The following RNF213 variants were observed in gnomAD, a reference collection of about 807,000 sequenced individuals.
RNF213 encodes ring finger protein 213.
RNF213 carries 341 observed loss-of-function variants against 514.4 expected under a neutral mutation model. The observed-to-expected ratio is 0.66, with a 90% CI of 0.61 to 0.73. The LOEUF (loss-of-function observed/expected upper bound fraction) is 0.73, where lower values mean the gene tolerates loss of function less well. Among genes scored for constraint, RNF213 ranks in the 30% least tolerant of loss-of-function variants. The pLI, the probability that RNF213 is intolerant of heterozygous loss-of-function variation, is 0.00. For synonymous variants in RNF213, 2,655 were observed against 2,658.2 expected (o/e 1.00, Z 0.04); for missense variants, 5,767 against 6,615.6 (o/e 0.87, Z 4.45).
intron 11 of RNF213, among the ~76,000 whole-genome samples, chr17:80,303,864 G>A (rs2045267801): frequency 1.3e-5 from 2 of 151,038 alleles, no homozygotes; most frequent in Admixed American, 6.6e-5. Context: ...GCCACCCACT[G>A]TGCCTGGCCA....
At chr17:80,270,170 C>G (rs1014143432) in intron 2 of RNF213, among the ~76,000 whole-genome samples, 2 of 152,248 alleles carry the variant, frequency 1.3e-5, no homozygotes, top group Admixed American at 6.5e-5. Flanking sequence ...TTGCTACTTT[C>G]ATGTACAGTG....
At chr17:80,369,474 A>C (rs768294637) in intron 44 of RNF213, 28 bp from the exon 45 acceptor site, 1 of 1,608,646 alleles carries the variant, frequency 6.2e-7, no homozygotes, top group Non-Finnish European at 8.5e-7. Flanking sequence ...AACACCATCC[A>C]CCTGTCTTCT....
chr17:80,364,398 C>T (rs201747319), intron 41 of RNF213, 35 bp from the exon 42 acceptor site: 33 of 1,613,430 alleles, frequency 2.0e-5, no homozygotes, highest in African/African-American at 5.3e-5. Flanking sequence ...TGGTGGGAGC[C>T]GAGTGAGTGA....
chr17:80,346,894 C>A lies in RNF213; in HGVS notation c.8559C>A (p.Pro2853=), dbSNP rs1237408713. 6.2e-7 allele frequency: 1 copy of A among 1,613,906 alleles called. No homozygotes were observed. Among genetic ancestry groups the A allele is most frequent in the Admixed American group, 1.7e-5 (1 of 60,002 alleles). ...LDEVGLAEDS[P]KMPLKTLHPL... is the part of the protein sequence containing the mutation. Reference sequence around the variant, plus strand: ...AGGTGGGGCTGGCGGAAGACTCACCCAAAATGCCCCTGAAGACTCTGCACC... The same window carrying A: ...AGGTGGGGCTGGCGGAAGACTCACCAAAAATGCCCCTGAAGACTCTGCACC... Residue 2853 remains proline, a synonymous_variant, in exon 29 of 68, where the codon CCC becomes CCA. Transcript: ENST00000582970. This position sits in a 1 kb window ranked among gnomAD's most constrained non-coding sequence, Gnocchi z 8.1.
rs1182372202 is a variant in RNF213 at position 80,345,008 on chromosome 17, C to G, written c.6673C>G (p.Gln2225Glu). 6.2e-7 allele frequency: 1 copy of G among 1,614,014 alleles called. No homozygotes were observed. Among genetic ancestry groups the G allele is most frequent in the Non-Finnish European group, 8.5e-7 (1 of 1,180,026 alleles). ...LRNFARFLNY[Q>E]LRDCEASLFC... Reference sequence around the variant, plus strand: ...GAACTTTGCTCGGTTCCTGAATTATCAGCTCAGAGATTGTGAGGCCTCTCT... The same window carrying G: ...GAACTTTGCTCGGTTCCTGAATTATGAGCTCAGAGATTGTGAGGCCTCTCT... Residue 2225 changes from glutamine (Q) to glutamate (E), a missense_variant, in exon 29 of 68, where the codon CAG becomes GAG. This residue lies in a region of RNF213 where 1,377 missense variants were observed against 1,635.2 expected (regional missense o/e 0.84). Coordinates refer to ENST00000582970, the MANE Select transcript of RNF213 (RefSeq NM_001256071.3). The surrounding 1 kb of genome is among the most constrained non-coding windows in gnomAD (Gnocchi z 6.0).
At chr17:80,352,631 C>T (rs763773828) in intron 32 of RNF213, 2 of 597,642 alleles carry the variant, frequency 3.3e-6, no homozygotes, top group African/African-American at 1.9e-5. Context: ...AACTGTGATA[C>T]AGCAAATACA....
At position 80,288,537 on chromosome 17, in the gene RNF213, C is replaced by T. The variant is rs903724881; in HGVS notation, c.811-96C>T. The T allele has an allele frequency of 1.9e-6, 3 of 1,611,094 alleles. No individual in the cohort carries two copies. The South Asian group carries it at 3.3e-5, about 18-fold the overall frequency. ...CACTGGGGATGCCAGCCCACCCTGT[C>T]CCTCGGCTTGTGGCAGATGCTGCCC... is the stretch of plus-strand genomic sequence containing the variant. On this transcript the variant is annotated intron_variant, in intron 4 of 67. Transcript: ENST00000582970. This position sits in a 1 kb window ranked among gnomAD's most constrained non-coding sequence, Gnocchi z 4.9.
intron 2 of RNF213, among the ~76,000 whole-genome samples, chr17:80,268,605 G>A (rs1314946284): frequency 6.7e-6 from 1 of 149,670 alleles, no homozygotes; most frequent in Admixed American, 6.6e-5. Context: ...TCATCCATCT[G>A]TTTGTCCATC....
chr17:80,285,062 C>T (rs1370935010), intron 3 of RNF213, among the ~76,000 whole-genome samples: 2 of 152,218 alleles, frequency 1.3e-5, no homozygotes, highest in African/African-American at 4.8e-5. Flanking sequence ...GGCCATCCAG[C>T]GCTGTCACCA....
rs368462132 is a variant in RNF213, at chr17:80,291,658, A to G, written c.1302A>G (p.Glu434=). 326 of 1,614,106 alleles carry G rather than the reference A, an allele frequency of 2.0e-4. No homozygotes were observed. Among genetic ancestry groups the G allele is most frequent in the Non-Finnish European group, 2.7e-4 (321 of 1,180,058 alleles). ...TGGGTCATGACCGCGTTCTTGTTGAAGGCATTGTCTGCATTTCCAAGAAGC... is the reference window on the plus strand; with the variant it reads ...TGGGTCATGACCGCGTTCTTGTTGAGGGCATTGTCTGCATTTCCAAGAAGC... ...RDLGHDRVLV[E]GIVCISKKHL... Residue 434 remains glutamate (E), a synonymous_variant, in exon 8 of 68, where the codon GAA becomes GAG. Transcript: ENST00000582970.
chr17:80,283,175 G>T (rs2044356713), intron 3 of RNF213, among the ~76,000 whole-genome samples: 2 of 152,166 alleles, frequency 1.3e-5, no homozygotes, highest in South Asian at 4.1e-4. Context: ...CAATGGAAAA[G>T]CAGACAGCAG....
At chr17:80,307,412 G>A (rs567383407) in intron 13 of RNF213, among the ~76,000 whole-genome samples, 36 of 142,184 alleles carry the variant, frequency 2.5e-4, no homozygotes, top group African/African-American at 9.3e-4. Flanking sequence ...TGCCCAGGCT[G>A]GAGTGCAGTG....
chr17:80,369,926 CGTTT>C, intron 46 of RNF213, 59 bp downstream of exon 46: 1 of 1,178,800 alleles, frequency 8.5e-7, no homozygotes, highest in Non-Finnish European at 1.3e-6. Context: ...TTCATCGCAG[CGTTT>C]TGTTACCAAG....
In RNF213 at chr17:80,383,645, C is replaced by G. The variant is rs371481300; in HGVS notation, c.14071-32C>G. The stretch of plus-strand genomic sequence containing the variant: ...ATCTGTTTGTAGCAATACCTCACTT[C>G]CAGAATTTTTTTTTTCATTTTCTCC... On this transcript the variant is annotated intron_variant, in intron 58 of 67. Coordinates refer to ENST00000582970, the MANE Select transcript of RNF213 (RefSeq NM_001256071.3). 2.5e-4 allele frequency: 404 copies of G among 1,612,996 alleles called. 3 individuals carry two copies. Among genetic ancestry groups the G allele is most frequent in the Middle Eastern group, 8.2e-4 (5 of 6,062 alleles).
chr17:80,371,208 C>T (rs1054351943), intron 46 of RNF213, among the ~76,000 whole-genome samples: 2 of 152,242 alleles, frequency 1.3e-5, no homozygotes, highest in African/African-American at 4.8e-5. Context: ...GATACAGTTT[C>T]AGGCTCCACA....
rs998212454 is a variant in RNF213 at position 80,319,981 on chromosome 17, C to T, written c.3024+669C>T. 4 of 1,032,566 alleles carry T rather than the reference C, an allele frequency of 3.9e-6. No homozygotes were observed. In the African/African-American group the frequency reaches 5.1e-5, roughly 13 times the overall value. 64.0% of individuals were successfully genotyped at this position (1,032,566 alleles called of 1,614,324 possible). A position where few individuals can be genotyped will look rare whatever the true frequency, so the allele number is the denominator to read the frequency against. On this transcript the variant is annotated intron_variant, in intron 17 of 67. Transcript: ENST00000582970. ...TTCTAATTTTTTAAGTGACTGATAC[C>T]TTTGATAAGGTTTTCCTTTCCCTTT...
At position 80,313,153 on chromosome 17, in the gene RNF213, G is replaced by A. The variant is rs199795186; in HGVS notation, c.2797G>A (p.Val933Ile). The A allele has an allele frequency of 1.5e-5, 24 of 1,614,120 alleles. No individual in the cohort carries two copies. The highest frequency in any genetic ancestry group is 9.3e-5 in the African/African-American group (7 of 75,064). Residue 933 changes from valine to isoleucine, a missense_variant, in exon 15 of 68, where the codon GTC becomes ATC. Val to Ile is a conservative substitution (Grantham distance 29). This residue lies in a region of RNF213 where 592 missense variants were observed against 673.9 expected (regional missense o/e 0.88). Transcript: ENST00000582970. ...LTSSGASFTY[V>I]KEIEVWRRLV... The stretch of plus-strand genomic sequence containing the variant: ...ATCTTCAGGTGCCTCATTCACATAC[G>A]TCAAGGAAATTGAGGTAGGCATTTG...
intron 54 of RNF213, among the ~76,000 whole-genome samples, chr17:80,378,858 T>A (rs1261017182): frequency 6.6e-6 from 1 of 152,142 alleles, no homozygotes; most frequent in Non-Finnish European, 1.5e-5. Flanking sequence ...GGAAGTAGAT[T>A]ATGTGATTAG....
Position 80,396,774 on chromosome 17 carries a change from C to T in RNF213, c.*3276C>T, listed in dbSNP as rs892190229. Reference sequence around the variant, plus strand: ...CCAGAGCAACTTTGGTCAGAAGTCACACCTAATCACCCTCTCTGCAGGATA... The same window carrying T: ...CCAGAGCAACTTTGGTCAGAAGTCATACCTAATCACCCTCTCTGCAGGATA... On this transcript the variant is annotated 3_prime_UTR_variant, in exon 68 of 68. Transcript: ENST00000582970. 8.7e-5 allele frequency: 11 copies of T among 125,956 alleles called. No individual in the cohort carries two copies. Among genetic ancestry groups the T allele is most frequent in the Non-Finnish European group, 1.3e-4 (8 of 62,238 alleles). The allele number at this position is 125,956 out of a possible 1,614,324, so 7.8% of individuals were successfully genotyped here. A position where few individuals can be genotyped will look rare whatever the true frequency, so the allele number is the denominator to read the frequency against.
Sources: allele counts gnomAD v4.1 joint callset (sites outside exome capture counted in the v4.1 genomes callset), GRCh38; gene constraint gnomAD v4.1.1; regional missense constraint gnomAD v4.1.1; non-coding constraint Gnocchi (gnomAD v3.1); transcripts MANE v1.5; gene names NCBI Gene and HGNC (gene_info 2026-07-23, HGNC 2026-07-21).